The following MRTFA variants were observed in gnomAD, a reference collection of about 807,000 sequenced individuals.
MRTFA encodes myocardin related transcription factor A.
A neutral mutation model predicts 83.5 loss-of-function variants in MRTFA; 20 were observed. That is an observed-to-expected ratio of 0.24 (90% CI 0.17 to 0.35). The LOEUF is 0.35. Among genes scored for constraint, MRTFA ranks in the 10% least tolerant of loss-of-function variants. MRTFA has a pLI of 1.00. For synonymous variants in MRTFA, 659 were observed against 541.2 expected (o/e 1.22, Z -3.02); for missense variants, 1,200 against 1,224.7 (o/e 0.98, Z 0.30).
At chr22:40,457,001 C>T (rs2053596464) in intron 4 of MRTFA, among the ~76,000 whole-genome samples, 1 of 152,076 alleles carries the variant, frequency 6.6e-6, no homozygotes, top group Non-Finnish European at 1.5e-5. Context: ...ATGTTGAAAC[C>T]TAGGTTGCAT....
chr22:40,516,072 T>TC (rs2054752712), intron 3 of MRTFA, among the ~76,000 whole-genome samples: 1 of 152,102 alleles, frequency 6.6e-6, no homozygotes, highest in African/African-American at 2.4e-5. Flanking sequence ...CAATGGAAGA[T>TC]TATTTGCAAA....
intron 14 of MRTFA, among the ~76,000 whole-genome samples, chr22:40,413,367 A>G (rs1158975607): frequency 1.4e-5 from 2 of 144,574 alleles, no homozygotes; most frequent in Admixed American, 6.9e-5. Flanking sequence ...TTGAGACTTG[A>G]GTCTCACTGT....
At chr22:40,604,976 C>T (rs910316316) in intron 1 of MRTFA, among the ~76,000 whole-genome samples, 1 of 152,102 alleles carries the variant, frequency 6.6e-6, no homozygotes, top group Non-Finnish European at 1.5e-5. Context: ...GGAAAAGCTT[C>T]CCAGAGGAGT....
chr22:40,618,773 G>C (rs995494280), intron 1 of MRTFA, among the ~76,000 whole-genome samples: 1 of 152,024 alleles, frequency 6.6e-6, no homozygotes, highest in South Asian at 2.1e-4. Context: ...AGACCAGCCT[G>C]GCTAACACAG....
In MRTFA at chr22:40,507,324, G is replaced by A. The variant is rs1014714957; in HGVS notation, c.242-44038C>T. 6.6e-5 allele frequency among the ~76,000 whole-genome samples: 10 copies of A among 151,964 alleles called. 1 individual carries two copies. The highest frequency in any genetic ancestry group is 1.5e-4 in the Non-Finnish European group (10 of 67,988). ...TGCAGTGAGCAGTGATTGCACCACT[G>A]CACTCCAGCCTGGGTGACAGAGTGA... On this transcript the variant is annotated intron_variant, in intron 3 of 14. Coordinates refer to ENST00000355630, the MANE Select transcript of MRTFA (RefSeq NM_020831.6).
chr22:40,489,872 G>A (rs150992514), intron 3 of MRTFA, among the ~76,000 whole-genome samples: 11 of 151,364 alleles, frequency 7.3e-5, no homozygotes, highest in African/African-American at 2.2e-4. Context: ...CCTGCTACTC[G>A]GGAGGCTGAG....
chr22:40,627,460 A>G (rs28360632), intron 1 of MRTFA, among the ~76,000 whole-genome samples: 10,721 of 152,252 alleles, frequency 0.07, 512 homozygotes, highest in Middle Eastern at 0.15. Context: ...TGAGGTTACT[A>G]TTATAGTTTT....
chr22:40,541,368 T>C (rs2055287236), intron 3 of MRTFA, among the ~76,000 whole-genome samples: 1 of 152,240 alleles, frequency 6.6e-6, no homozygotes, highest in Non-Finnish European at 1.5e-5. Context: ...AGTGTACGCA[T>C]GAGTTTATTG....
At chr22:40,486,030 C>T (rs754529361) in intron 3 of MRTFA, among the ~76,000 whole-genome samples, 2 of 152,218 alleles carry the variant, frequency 1.3e-5, no homozygotes, top group Non-Finnish European at 2.9e-5. Flanking sequence ...GCCTGGCCCA[C>T]TGCCCGAGTG....
At chr22:40,588,487 A>G (rs1004803961) in intron 2 of MRTFA, among the ~76,000 whole-genome samples, 8 of 152,140 alleles carry the variant, frequency 5.3e-5, no homozygotes, top group African/African-American at 1.7e-4. Flanking sequence ...TCACTTAACA[A>G]CCAAAAATGC....
At chr22:40,536,251 T>A (rs2055171069) in intron 3 of MRTFA, among the ~76,000 whole-genome samples, 1 of 151,966 alleles carries the variant, frequency 6.6e-6, no homozygotes, top group Non-Finnish European at 1.5e-5. Flanking sequence ...TACAGTGAGC[T>A]GTGATCACCC....
chr22:40,630,607 A>C (rs920451503), intron 1 of MRTFA, among the ~76,000 whole-genome samples: 16 of 152,334 alleles, frequency 1.1e-4, no homozygotes, highest in African/African-American at 3.6e-4. Context: ...ACTGCCTCTA[A>C]AGAGTTTATC....
At chr22:40,455,417 C>T (rs890458209) in intron 4 of MRTFA, among the ~76,000 whole-genome samples, 8 of 151,822 alleles carry the variant, frequency 5.3e-5, no homozygotes, top group Non-Finnish European at 7.4e-5. Flanking sequence ...GAGGCTGAGG[C>T]GGGCGGATCA....
rs545317471 is a variant in MRTFA at position 40,413,458 on chromosome 22, C to G, written c.2579-1551G>C. Among the ~76,000 whole-genome samples, 187 of 151,900 alleles carry G rather than the reference C, an allele frequency of 1.2e-3. 1 individual carries two copies. In the Middle Eastern group the frequency reaches 0.017, roughly 14 times the overall value. ...GTTTTCAAGCAATTCTCCTGCCTCA[C>G]CCTCCTGAGATTACAGGCACGTGCC... On this transcript the variant is annotated intron_variant, in intron 14 of 14. Transcript: ENST00000355630.
intron 3 of MRTFA, among the ~76,000 whole-genome samples, chr22:40,520,511 A>G (rs977583952): frequency 3.3e-5 from 5 of 151,998 alleles, no homozygotes; most frequent in Admixed American, 6.6e-5. Context: ...GGTTCAAGCG[A>G]CTGTTGTGCC....
intron 1 of MRTFA, among the ~76,000 whole-genome samples, chr22:40,612,552 T>C (rs576000784): frequency 4.6e-5 from 7 of 152,356 alleles, no homozygotes; most frequent in Admixed American, 6.5e-5. Flanking sequence ...CTTTGAAGTA[T>C]AATTTGCATA....
rs914265661 is a variant in MRTFA, at chr22:40,418,273, A to G, written c.2364+101T>C. On this transcript the variant is annotated intron_variant, in intron 12 of 14. Coordinates refer to ENST00000355630, the MANE Select transcript of MRTFA (RefSeq NM_020831.6). ...AGGAAGATTAAATGAAGCAAACACA[A>G]AATGTCCAGCACGAGGGGTCCCCTG... 4.6e-6 allele frequency: 7 copies of G among 1,513,612 alleles called. No individual in the cohort carries two copies. In the African/African-American group the frequency reaches 8.5e-5, roughly 18 times the overall value. The allele number at this position is 1,513,612 out of a possible 1,614,324, so 93.8% of individuals were successfully genotyped here.
At chr22:40,455,221 T>C (rs2053560996) in intron 4 of MRTFA, among the ~76,000 whole-genome samples, 1 of 152,344 alleles carries the variant, frequency 6.6e-6, no homozygotes, top group African/African-American at 2.4e-5. Flanking sequence ...ATTCAGTTTT[T>C]CAACTCAAGT....
At chr22:40,548,534 C>T (rs1269576499) in intron 3 of MRTFA, among the ~76,000 whole-genome samples, 3 of 151,836 alleles carry the variant, frequency 2.0e-5, no homozygotes, top group South Asian at 2.1e-4. Flanking sequence ...CATTTATTTA[C>T]ACCAGCATGG....
Sources: gnomAD v4.1 joint callset for allele counts (sites outside exome capture counted in the v4.1 genomes callset) on GRCh38, gnomAD v4.1.1 for gene constraint, MANE v1.5 for transcripts, NCBI Gene and HGNC (gene_info 2026-07-23, HGNC 2026-07-21) for gene names.